Variants in IL3RA observed in about 807,000 individuals in gnomAD.
IL3RA encodes interleukin 3 receptor subunit alpha.
A neutral mutation model predicts 52.3 loss-of-function variants in IL3RA; 73 were observed. The observed-to-expected ratio is 1.40, with a 90% CI of 1.16 to 1.70. IL3RA has a LOEUF of 1.70. Among genes scored for constraint, IL3RA ranks in the 40% most tolerant of loss-of-function variants. The pLI is 0.00. For synonymous variants in IL3RA, 260 were observed against 194.0 expected (o/e 1.34, Z -2.83); for missense variants, 664 against 504.4 (o/e 1.32, Z -3.03).
In IL3RA at chrX:1,338,072, C is replaced by T. The variant is rs745710528; in HGVS notation, c.-39+1146C>T. ...AATATTATACAGCCATGAAAAGGAA[C>T]AAGCAGCTTTATTCACAATAGCCAA... On this transcript the variant is annotated intron_variant, in intron 1 of 11. Coordinates refer to ENST00000331035, the MANE Select transcript of IL3RA (RefSeq NM_002183.4). Among the ~76,000 whole-genome samples the T allele has an allele frequency of 2.6e-4, 39 of 149,678 alleles. 1 individual carries two copies. In the East Asian group the frequency reaches 7.2e-3, roughly 28 times the overall value.
intron 8 of IL3RA, among the ~76,000 whole-genome samples, chrX:1,361,207 C>G (rs1283495627): frequency 6.6e-6 from 1 of 151,746 alleles, no homozygotes; most frequent in Non-Finnish European, 1.5e-5. Flanking sequence ...ATTCCCCTGT[C>G]TCTATGTCTC....
At chrX:1,368,645 C>T (rs1218081775) in intron 9 of IL3RA, among the ~76,000 whole-genome samples, 1 of 152,116 alleles carries the variant, frequency 6.6e-6, no homozygotes, top group Non-Finnish European at 1.5e-5. Context: ...TCTAACAGGA[C>T]TGGGGTCCTT....
At chrX:1,345,538 G>A in intron 3 of IL3RA, 104 bp downstream of exon 3, 1 of 737,514 alleles carries the variant, frequency 1.4e-6, no homozygotes, top group Non-Finnish European at 2.0e-6. Flanking sequence ...CGCCCAGGCT[G>A]GACTGCGGTG....
intron 8 of IL3RA, among the ~76,000 whole-genome samples, chrX:1,363,436 G>C (rs28769065): frequency 0.33 from 50,373 of 151,208 alleles, 8,683 homozygotes; most frequent in South Asian, 0.44. Context: ...GAGTAGCTGG[G>C]ACCTCAGGCG....
At chrX:1,348,735 T>TC in intron 4 of IL3RA, among the ~76,000 whole-genome samples, 190 bp downstream of exon 4, 2 of 114,960 alleles carry the variant, frequency 1.7e-5, no homozygotes, top group East Asian at 2.2e-4. Flanking sequence ...TTTCTTTTTC[T>TC]TTCTTTCTTT....
At chrX:1,361,113 CTCTGTCTCTCTCTCCCTTCCCCTCTCT>C (rs2087287785) in intron 8 of IL3RA, among the ~76,000 whole-genome samples, 1 of 83,378 alleles carries the variant, frequency 1.2e-5, no homozygotes, top group African/African-American at 5.1e-5. Context: ...CCCTTCCCCT[CTCTGTCTCTCTCTCCCTTCCCCTCTCT>C]GTCTCTCTCT....
chrX:1,346,048 C>A (rs1179448941), intron 3 of IL3RA, among the ~76,000 whole-genome samples: 5 of 151,914 alleles, frequency 3.3e-5, no homozygotes, highest in Admixed American at 3.3e-4. Context: ...GGCGTGGTGG[C>A]TCACGTCTGT....
At chrX:1,351,285 A>C (rs1798958804) in intron 4 of IL3RA, among the ~76,000 whole-genome samples, 1 of 152,068 alleles carries the variant, frequency 6.6e-6, no homozygotes, top group Admixed American at 6.6e-5. Context: ...TTGTGTATCT[A>C]CCATGGTCTC....
intron 8 of IL3RA, among the ~76,000 whole-genome samples, chrX:1,359,544 A>G (rs1413923284): frequency 8.8e-6 from 1 of 113,662 alleles, no homozygotes; most frequent in African/African-American, 3.5e-5. Flanking sequence ...CCCTCCCTCT[A>G]TCTTTCTGGC....
chrX:1,381,172 G>A (rs1226304374), intron 11 of IL3RA, 68 bp downstream of exon 11: 1 of 1,425,860 alleles, frequency 7.0e-7, no homozygotes, highest in Non-Finnish European at 9.9e-7. Context: ...GCCCAGGCGG[G>A]CGGACCACTT....
chrX:1,347,276 T>A (rs6645240), intron 3 of IL3RA, among the ~76,000 whole-genome samples: 64,779 of 149,480 alleles, frequency 0.43, 14,718 homozygotes, highest in Middle Eastern at 0.6. Context: ...AAACCCCGTC[T>A]CTACTAAAAA....
intron 6 of IL3RA, among the ~76,000 whole-genome samples, chrX:1,355,105 C>A (rs1456497361): frequency 1.1e-4 from 2 of 18,990 alleles, no homozygotes; most frequent in African/African-American, 2.8e-4. Context: ...GAAGAAGGAG[C>A]GGGAGGAGAG....
At chrX:1,353,706 C>T (rs1435337462) in intron 6 of IL3RA, among the ~76,000 whole-genome samples, 1 of 134,938 alleles carries the variant, frequency 7.4e-6, no homozygotes, top group Non-Finnish European at 1.6e-5. Context: ...TGGGACCCCC[C>T]CCAATCATGG....
chrX:1,339,265 C>G (rs1295887462), intron 1 of IL3RA, among the ~76,000 whole-genome samples: 1 of 152,210 alleles, frequency 6.6e-6, no homozygotes, highest in Non-Finnish European at 1.5e-5. Flanking sequence ...GAGCTGAACA[C>G]AGGCTCTGTC....
chrX:1,360,953 C>T (rs1398222210), intron 8 of IL3RA, among the ~76,000 whole-genome samples: 4 of 65,920 alleles, frequency 6.1e-5, no homozygotes, highest in African/African-American at 1.6e-4. Context: ...TCCCCTCTGT[C>T]TCTCTCTCCC....
chrX:1,348,756 TCTCTTTC>T (rs2085936118), intron 4 of IL3RA, among the ~76,000 whole-genome samples: 1 of 122,260 alleles, frequency 8.2e-6, no homozygotes, highest in Non-Finnish European at 2.0e-5. Context: ...CCTTCTTTCC[TCTCTTTC>T]TTTTCTTTCT....
At chrX:1,346,577 A>G (rs2085753937) in intron 3 of IL3RA, among the ~76,000 whole-genome samples, 1 of 151,968 alleles carries the variant, frequency 6.6e-6, no homozygotes, top group South Asian at 2.1e-4. Flanking sequence ...ACTGCACTCC[A>G]GCCTGGGTGA....
chrX:1,345,380 T>A lies in IL3RA; in HGVS notation c.129T>A (p.Leu43=). 1 of 1,611,176 alleles carries A rather than the reference T, an allele frequency of 6.2e-7. No homozygotes were observed. The highest frequency in any genetic ancestry group is 8.5e-7 in the Non-Finnish European group (1 of 1,178,228). The change falls in exon 3 of 12, where the codon CTT becomes CTA. Residue 43 remains leucine (L), a synonymous_variant. Coordinates refer to ENST00000331035, the MANE Select transcript of IL3RA (RefSeq NM_002183.4). ...AGGCTCAGCAGTTGACCTGGGACCT[T>A]AACAGAAATGTGACCGATATCGAGT... ...KAKAQQLTWD[L]NRNVTDIECV... is the part of the protein sequence containing the mutation.
intron 3 of IL3RA, among the ~76,000 whole-genome samples, chrX:1,347,369 G>C (rs1184751599): frequency 6.6e-6 from 1 of 151,302 alleles, no homozygotes. Flanking sequence ...GCTTGAACCT[G>C]GGAGGCAGAA....
Sources: gnomAD v4.1 joint callset for allele counts (sites outside exome capture counted in the v4.1 genomes callset) on GRCh38, gnomAD v4.1.1 for gene constraint, MANE v1.5 for transcripts, NCBI Gene and HGNC (gene_info 2026-07-23, HGNC 2026-07-21) for gene names.